SEZ6L: variants seen among roughly 807,000 people sequenced by gnomAD.
SEZ6L encodes the protein seizure related 6 homolog like.
Under a neutral mutation model 106.2 loss-of-function variants are expected in SEZ6L, and 37 were observed. The observed-to-expected ratio is 0.35, with a 90% confidence interval of 0.27 to 0.46. SEZ6L has a LOEUF of 0.46. SEZ6L is among the 20% of genes least tolerant of loss of function. SEZ6L has a pLI of 1.00. For synonymous variants in SEZ6L, 541 were observed against 570.4 expected, an observed-to-expected ratio of 0.95 and a Z score of 0.73; for missense variants, 1,172 against 1,332.8, an observed-to-expected ratio of 0.88 and a Z score of 1.88.
rs117089120 is a variant in SEZ6L, at chr22:26,314,974, C to T, written c.2015+1072C>T. On this transcript the variant is annotated intron_variant, in intron 9 of 16. Transcript: ENST00000248933. Reference sequence around the variant, plus strand: ...GGGGTGAGAAGTGGACAAAGACAGACGGTGGTGCCTGGAGAAAGCAGAATA... The same window carrying T: ...GGGGTGAGAAGTGGACAAAGACAGATGGTGGTGCCTGGAGAAAGCAGAATA... Among the ~76,000 whole-genome samples the T allele has an allele frequency of 6.4e-3, 980 of 152,176 alleles. 17 individuals are homozygous for T. The highest frequency in any genetic ancestry group is 0.058 in the East Asian group (302 of 5,170).
At chr22:26,198,341 AT>A (rs1271227488) in intron 1 of SEZ6L, among the ~76,000 whole-genome samples, 1 of 152,242 alleles carries the variant, frequency 6.6e-6, no homozygotes, top group Non-Finnish European at 1.5e-5. Context: ...CCATAAAGCT[AT>A]ATAAATGTTG....
chr22:26,274,789 C>T (rs756720252), intron 1 of SEZ6L, among the ~76,000 whole-genome samples: 9 of 152,164 alleles, frequency 5.9e-5, no homozygotes, highest in African/African-American at 1.4e-4. Context: ...GGTGTTGTGG[C>T]GACACCCACA....
intron 12 of SEZ6L, among the ~76,000 whole-genome samples, chr22:26,361,173 T>C (rs1240577513): frequency 6.6e-6 from 1 of 151,982 alleles, no homozygotes; most frequent in Non-Finnish European, 1.5e-5. Flanking sequence ...GCAATCTAAA[T>C]AGAAAAACAA....
intron 1 of SEZ6L, among the ~76,000 whole-genome samples, chr22:26,240,738 A>G (rs955518412): frequency 6.6e-6 from 1 of 152,124 alleles, no homozygotes; most frequent in Non-Finnish European, 1.5e-5. Flanking sequence ...AAGGCCATAA[A>G]TCCTTGCCCT....
intron 1 of SEZ6L, among the ~76,000 whole-genome samples, chr22:26,170,639 G>A (rs1457525709): frequency 6.6e-6 from 1 of 152,120 alleles, no homozygotes; most frequent in Non-Finnish European, 1.5e-5. Context: ...GTGGGGGAGA[G>A]GGCCAGATAG....
chr22:26,360,883 G>GA (rs56292033), intron 12 of SEZ6L, among the ~76,000 whole-genome samples: 30,804 of 148,326 alleles, frequency 0.21, 4,058 homozygotes, highest in East Asian at 0.39. Context: ...TCTACGGGCT[G>GA]AAAAAAAAAC....
chr22:26,294,145 A>G (rs910562527), intron 2 of SEZ6L, 147 bp from the exon 3 acceptor site: 2 of 704,630 alleles, frequency 2.8e-6, no homozygotes, highest in Non-Finnish European at 4.9e-6. Context: ...TATCATGTCA[A>G]TTCTGGAGCT....
intron 1 of SEZ6L, among the ~76,000 whole-genome samples, chr22:26,218,945 A>G (rs899381268): frequency 6.6e-6 from 1 of 152,200 alleles, no homozygotes; most frequent in Admixed American, 6.5e-5. Flanking sequence ...CTCAAAAAAA[A>G]AGAAAAGAAA....
intron 5 of SEZ6L, among the ~76,000 whole-genome samples, chr22:26,302,830 A>C (rs1195209914): frequency 1.3e-5 from 2 of 152,214 alleles, no homozygotes; most frequent in Non-Finnish European, 2.9e-5. Flanking sequence ...TGGCTTAATC[A>C]GGCAAAGAAG....
chr22:26,377,639 G>A, intron 15 of SEZ6L, 34 bp from the exon 16 acceptor site: 1 of 1,526,550 alleles, frequency 6.6e-7, no homozygotes, highest in Non-Finnish European at 9.1e-7. Context: ...CCTAGCTGGG[G>A]AGAAGTAACT....
At chr22:26,298,772 G>A (rs185176263) in intron 4 of SEZ6L, among the ~76,000 whole-genome samples, 228 of 152,234 alleles carry the variant, frequency 1.5e-3, no homozygotes, top group African/African-American at 4.9e-3. Flanking sequence ...TTTAGGCAGG[G>A]TGGCGATTTT....
At chr22:26,294,809 T>C (rs1468691561) in intron 3 of SEZ6L, among the ~76,000 whole-genome samples, 2 of 151,666 alleles carry the variant, frequency 1.3e-5, no homozygotes, top group East Asian at 3.9e-4. Flanking sequence ...GCTTCCTTAT[T>C]TCTCTTTCTC....
At chr22:26,283,108 G>A (rs2080825056) in intron 1 of SEZ6L, among the ~76,000 whole-genome samples, 1 of 152,102 alleles carries the variant, frequency 6.6e-6, no homozygotes, top group Non-Finnish European at 1.5e-5. Flanking sequence ...TTTTAGTAGA[G>A]ATGGGGTTTC....
chr22:26,250,521 G>A lies in SEZ6L; in HGVS notation c.95-41885G>A, dbSNP rs192521726. On this transcript the variant is annotated intron_variant, in intron 1 of 16. Coordinates refer to ENST00000248933, the MANE Select transcript of SEZ6L (RefSeq NM_021115.5). ...TTGCGATTCTGTTCCATTGGTCTAT[G>A]TATCTGTTTTTATGCTGGCACCATG... Among the ~76,000 whole-genome samples, 330 of 152,268 alleles carry A rather than the reference G, an allele frequency of 2.2e-3. 1 individual carries two copies. The highest frequency in any genetic ancestry group is 7.6e-3 in the African/African-American group (316 of 41,566).
chr22:26,336,557 A>C (rs1404659933), intron 9 of SEZ6L, among the ~76,000 whole-genome samples: 1 of 152,162 alleles, frequency 6.6e-6, no homozygotes, highest in Admixed American at 6.6e-5. Flanking sequence ...AATCCACTGC[A>C]CCTATTGTCT....
At chr22:26,323,271 G>A (rs1460258703) in intron 9 of SEZ6L, among the ~76,000 whole-genome samples, 1 of 152,350 alleles carries the variant, frequency 6.6e-6, no homozygotes, top group South Asian at 2.1e-4. Flanking sequence ...CCCACAATGG[G>A]ATATTTTGTT....
chr22:26,236,048 T>C (rs1048362750), intron 1 of SEZ6L, among the ~76,000 whole-genome samples: 24 of 152,232 alleles, frequency 1.6e-4, no homozygotes, highest in African/African-American at 5.8e-4. Flanking sequence ...CTTGCCCCCC[T>C]GTCTCGGGCA....
At chr22:26,329,904 G>A (rs987894665) in intron 9 of SEZ6L, among the ~76,000 whole-genome samples, 2 of 152,140 alleles carry the variant, frequency 1.3e-5, no homozygotes, top group Non-Finnish European at 2.9e-5. Flanking sequence ...TGCATACAAC[G>A]GAATTTACAG....
rs1229794374 is a variant in SEZ6L, at chr22:26,316,892, G to GAAAGAA, written c.2015+2991_2015+2992insAAGAAA. ...AGAAGGAAAGAAAGAAAGAAAGAAA[G>GAAAGAA]AGAAAGAAAGAAGAAAGAAAGAAAG... On this transcript the variant is annotated intron_variant, in intron 9 of 16. Transcript: ENST00000248933. Among the ~76,000 whole-genome samples, 676 of 103,732 alleles carry GAAAGAA rather than the reference G, an allele frequency of 6.5e-3. 7 individuals are homozygous for GAAAGAA. The highest frequency in any genetic ancestry group is 0.023 in the African/African-American group (628 of 27,120). The allele number at this position is 103,732 out of a possible 152,430, so 68.1% of individuals were successfully genotyped here. A position where few individuals can be genotyped will look rare whatever the true frequency, so the allele number is the denominator to read the frequency against.
Sources: gnomAD v4.1 joint callset for allele counts (sites outside exome capture counted in the v4.1 genomes callset) on GRCh38, gnomAD v4.1.1 for gene constraint, MANE v1.5 for transcripts, NCBI Gene and HGNC (gene_info 2026-07-23, HGNC 2026-07-21) for gene names.